The following OR5M9 variants were observed in gnomAD, a reference collection of about 807,000 sequenced individuals.
The protein encoded by OR5M9 is olfactory receptor family 5 subfamily M member 9.
For synonymous variants in OR5M9, 174 were observed against 145.0 expected (o/e 1.20, Z -1.44); for missense variants, 464 against 383.6 (o/e 1.21, Z -1.75).
Position 56,463,080 on chromosome 11 carries a change from C to A in OR5M9, c.322G>T (p.Val108Leu). Reference sequence around the variant, plus strand: ...ATCACAGCCAGGATATAGACCTCCACGTGGACAACGGCAATGAAAAAGTAG... The same window carrying A: ...ATCACAGCCAGGATATAGACCTCCAAGTGGACAACGGCAATGAAAAAGTAG... ...QCYFFIAVVH[V>L]EVYILAVMAF... is the part of the protein sequence containing the mutation. The change falls in exon 1 of 1, where the codon GTG becomes TTG. Residue 108 changes from valine (V) to leucine (L), a missense_variant. Physicochemically the swap from Val to Leu is conservative, Grantham distance 32 (BLOSUM62 1). Coordinates refer to ENST00000279791, the MANE Select transcript of OR5M9 (RefSeq NM_001004743.1). 1 of 1,614,028 alleles carries A rather than the reference C, an allele frequency of 6.2e-7. No homozygotes were observed. Among genetic ancestry groups the A allele is most frequent in the African/African-American group, 1.3e-5 (1 of 75,032 alleles).
Position 56,462,868 on chromosome 11 carries a change from T to C in OR5M9, c.534A>G (p.Ala178=). The C allele has an allele frequency of 1.2e-6, 2 of 1,614,024 alleles. No individual in the cohort carries two copies. Among genetic ancestry groups the C allele is most frequent in the Non-Finnish European group, 1.7e-6 (2 of 1,179,962 alleles). The part of the protein sequence containing the change: ...GNFEINHFYC[A]DPPLIQIACG... ...AGGCAATCTGGATGAGAGGGGGATCTGCACAATAGAAGTGATTGATTTCAA... is the reference window on the plus strand; with the variant it reads ...AGGCAATCTGGATGAGAGGGGGATCCGCACAATAGAAGTGATTGATTTCAA... The change falls in exon 1 of 1, where the codon GCA becomes GCG. Residue 178 remains alanine, a synonymous_variant. Coordinates refer to ENST00000279791, the MANE Select transcript of OR5M9 (RefSeq NM_001004743.1).
Position 56,462,907 on chromosome 11 carries a change from G to A in OR5M9, c.495C>T (p.Tyr165=). The A allele has an allele frequency of 1.9e-6, 3 of 1,614,082 alleles. No individual in the cohort carries two copies. The highest frequency in any genetic ancestry group is 1.1e-5 in the South Asian group (1 of 91,078). Residue 165 remains tyrosine (Y), a synonymous_variant, in exon 1 of 1, where the codon TAC becomes TAT. Coordinates refer to ENST00000279791, the MANE Select transcript of OR5M9 (RefSeq NM_001004743.1). ...LICTLWTYGL[Y]FCGNFEINHF... The stretch of plus-strand genomic sequence containing the variant: ...GATTGATTTCAAAGTTTCCACAGAA[G>A]TATAAGCCATAAGTCCATAGTGTGC...
Position 56,462,612 on chromosome 11 carries a change from C to T in OR5M9, c.790G>A (p.Glu264Lys). The change falls in exon 1 of 1, where the codon GAA becomes AAA. Residue 264 changes from glutamate to lysine, a missense_variant. By Grantham distance (56) the Glu-to-Lys change is moderately conservative. Coordinates refer to ENST00000279791, the MANE Select transcript of OR5M9 (RefSeq NM_001004743.1). ...IFMYLRRPTE[E>K]SVEQGKMVAV... Reference sequence around the variant, plus strand: ...ACCATTTTGCCCTGCTCTACGGATTCCTCAGTGGGTCTCCTGAGATACATG... The same window carrying T: ...ACCATTTTGCCCTGCTCTACGGATTTCTCAGTGGGTCTCCTGAGATACATG... 6.2e-7 allele frequency: 1 copy of T among 1,613,892 alleles called. No homozygotes were observed. The highest frequency in any genetic ancestry group is 8.5e-7 in the Non-Finnish European group (1 of 1,179,920).
rs1853580196 is a variant in OR5M9, at chr11:56,463,221, G to A, written c.181C>T (p.Leu61=). ...PQLQSPMYFF[L]SHLSFADVCF... ...ACGTCCGCAAAAGACAGATGACTCA[G>A]GAAAAAGTACATGGGACTCTGAAGC... is the stretch of plus-strand genomic sequence containing the variant. The change falls in exon 1 of 1, where the codon CTG becomes TTG. Residue 61 remains leucine, a synonymous_variant. Transcript: ENST00000279791. The A allele has an allele frequency of 6.2e-7, 1 of 1,613,942 alleles. No individual in the cohort carries two copies. Among genetic ancestry groups the A allele is most frequent in the East Asian group, 2.2e-5 (1 of 44,834 alleles).
In OR5M9 at chr11:56,463,348, A is replaced by G. The variant is rs1488187428; in HGVS notation, c.54T>C (p.Arg18=). The G allele has an allele frequency of 1.2e-6, 2 of 1,613,566 alleles. No homozygotes were observed. Among genetic ancestry groups the G allele is most frequent in the East Asian group, 2.2e-5 (1 of 44,826 alleles). The change falls in exon 1 of 1, where the codon CGT becomes CGC. Residue 18 remains arginine (R), a synonymous_variant. Transcript: ENST00000279791. The part of the protein sequence containing the change: ...TEFTLLGLTC[R]QELQVLFFVV... ...CAAAAAAGAGAACCTGTAGCTCCTGACGACAGGTCAGCCCCAGGAGAGTAA... is the reference window on the plus strand; with the variant it reads ...CAAAAAAGAGAACCTGTAGCTCCTGGCGACAGGTCAGCCCCAGGAGAGTAA...
In OR5M9 at chr11:56,463,352, C is replaced by T. The variant is rs1565146662; in HGVS notation, c.50G>A (p.Cys17Tyr). The change falls in exon 1 of 1, where the codon TGT (cysteine) becomes TAT (tyrosine). Residue 17 changes from cysteine (C) to tyrosine (Y), a missense_variant. By Grantham distance (194) the Cys-to-Tyr change is radical. Transcript: ENST00000279791. ...AAAGAGAACCTGTAGCTCCTGACGA[C>T]AGGTCAGCCCCAGGAGAGTAAATTC... ...VTEFTLLGLT[C>Y]RQELQVLFFV... 5.0e-6 allele frequency: 8 copies of T among 1,613,326 alleles called. No individual in the cohort carries two copies. The South Asian group carries it at 8.8e-5, about 18-fold the overall frequency.
rs1853573709 is a variant in OR5M9 at position 56,462,954 on chromosome 11, C to T, written c.448G>A (p.Gly150Arg). ...GTGCATATTAGGCTGACAGAGAATC[C>T]ATAGACATAAGGCACAGAGATGAGC... is the stretch of plus-strand genomic sequence containing the variant. ...VRLISVPYVY[G>R]FSVSLICTLW... Residue 150 changes from glycine (G) to arginine (R), a missense_variant, in exon 1 of 1, where the codon GGA becomes AGA. Coordinates refer to ENST00000279791, the MANE Select transcript of OR5M9 (RefSeq NM_001004743.1). The T allele has an allele frequency of 6.2e-7, 1 of 1,613,990 alleles. No individual in the cohort carries two copies.
chr11:56,462,794 A>G lies in OR5M9; in HGVS notation c.608T>C (p.Ile203Thr), dbSNP rs112387382. The G allele has an allele frequency of 6.2e-7, 1 of 1,613,780 alleles. No homozygotes were observed. The highest frequency in any genetic ancestry group is 1.7e-5 in the Admixed American group (1 of 59,954). The change falls in exon 1 of 1, where the codon ATT (isoleucine) becomes ACT (threonine). Residue 203 changes from isoleucine (I) to threonine (T), a missense_variant. By Grantham distance (89) the Ile-to-Thr change is moderately conservative. Coordinates refer to ENST00000279791, the MANE Select transcript of OR5M9 (RefSeq NM_001004743.1). Reference protein sequence around the residue: ...KEITMIVIAGINFTYSLSVVL... With the variant: ...KEITMIVIAGTNFTYSLSVVL... ...CACCGAGAGGGAATATGTGAAGTTA[A>G]TTCCAGCAATAACAATCATTGTGAT...
At position 56,463,047 on chromosome 11, in the gene OR5M9, C is replaced by G. The variant is rs370012448; in HGVS notation, c.355G>C (p.Asp119His). The G allele has an allele frequency of 1.9e-6, 3 of 1,614,032 alleles. No homozygotes were observed. Among genetic ancestry groups the G allele is most frequent in the African/African-American group, 2.7e-5 (2 of 75,038 alleles). ...EVYILAVMAF[D>H]RYMAGCNPLL... is the part of the protein sequence containing the mutation. The stretch of plus-strand genomic sequence containing the variant: ...GGGTTGCAGCCGGCCATGTACCTGT[C>G]AAAGGCCATCACAGCCAGGATATAG... The change falls in exon 1 of 1, where the codon GAC (aspartate) becomes CAC (histidine). Residue 119 changes from aspartate (D) to histidine (H), a missense_variant. Asp to His is a moderately conservative substitution (Grantham distance 81). Coordinates refer to ENST00000279791, the MANE Select transcript of OR5M9 (RefSeq NM_001004743.1).
Position 56,463,032 on chromosome 11 carries a change from C to T in OR5M9, c.370G>A (p.Gly124Ser), listed in dbSNP as rs373843688. The stretch of plus-strand genomic sequence containing the variant: ...CTGCCATAAAGCAGAGGGTTGCAGC[C>T]GGCCATGTACCTGTCAAAGGCCATC... ...AVMAFDRYMA[G>S]CNPLLYGSKM... Residue 124 changes from glycine (G) to serine (S), a missense_variant, in exon 1 of 1, where the codon GGC (glycine) becomes AGC (serine). By Grantham distance (56) the Gly-to-Ser change is moderately conservative. Coordinates refer to ENST00000279791, the MANE Select transcript of OR5M9 (RefSeq NM_001004743.1). The T allele has an allele frequency of 1.9e-6, 3 of 1,613,908 alleles. No homozygotes were observed. The highest frequency in any genetic ancestry group is 1.3e-5 in the African/African-American group (1 of 74,900).
rs779113450 is a variant in OR5M9, at chr11:56,463,084, G to C, written c.318C>G (p.Val106=). Reference sequence around the variant, plus strand: ...CAGCCAGGATATAGACCTCCACGTGGACAACGGCAATGAAAAAGTAGCACT... The same window carrying C: ...CAGCCAGGATATAGACCTCCACGTGCACAACGGCAATGAAAAAGTAGCACT... ...LVQCYFFIAV[V]HVEVYILAVM... The change falls in exon 1 of 1, where the codon GTC becomes GTG. Residue 106 remains valine (V), a synonymous_variant. Coordinates refer to ENST00000279791, the MANE Select transcript of OR5M9 (RefSeq NM_001004743.1). 175 of 1,613,898 alleles carry C rather than the reference G, an allele frequency of 1.1e-4. No homozygotes were observed. The highest frequency in any genetic ancestry group is 1.3e-4 in the Non-Finnish European group (149 of 1,179,976).
rs112387382 is a variant in OR5M9 at position 56,462,794 on chromosome 11, A to C, written c.608T>G (p.Ile203Ser). 3.7e-6 allele frequency: 6 copies of C among 1,613,780 alleles called. 1 individual carries two copies. The African/African-American group carries it at 6.7e-5, about 18-fold the overall frequency. Residue 203 changes from isoleucine to serine, a missense_variant, in exon 1 of 1, where the codon ATT becomes AGT. By Grantham distance (142) the Ile-to-Ser change is moderately radical. Transcript: ENST00000279791. Reference sequence around the variant, plus strand: ...CACCGAGAGGGAATATGTGAAGTTAATTCCAGCAATAACAATCATTGTGAT... The same window carrying C: ...CACCGAGAGGGAATATGTGAAGTTACTTCCAGCAATAACAATCATTGTGAT... Reference protein sequence around the residue: ...KEITMIVIAGINFTYSLSVVL... With the variant: ...KEITMIVIAGSNFTYSLSVVL...
At position 56,462,673 on chromosome 11, in the gene OR5M9, C is replaced by G; in HGVS notation, c.729G>C (p.Leu243Phe). 7 of 1,613,536 alleles carry G rather than the reference C, an allele frequency of 4.3e-6. No individual in the cohort carries two copies. The highest frequency in any genetic ancestry group is 5.9e-6 in the Non-Finnish European group (7 of 1,179,794). ...RKAFSTCGSH[L>F]TAVSMFYGTP... ...TCCCATAAAACATAGAAACAGCCGTCAAGTGGGACCCACAGGTGGAGAACG... is the reference window on the plus strand; with the variant it reads ...TCCCATAAAACATAGAAACAGCCGTGAAGTGGGACCCACAGGTGGAGAACG... The change falls in exon 1 of 1, where the codon TTG becomes TTC. Residue 243 changes from leucine (L) to phenylalanine (F), a missense_variant. By Grantham distance (22) the Leu-to-Phe change is conservative. Transcript: ENST00000279791.
chr11:56,462,798 C>CAGCAAT lies in OR5M9; in HGVS notation c.598_603dup (p.Ile200_Ala201dup). 1 of 1,613,584 alleles carries CAGCAAT rather than the reference C, an allele frequency of 6.2e-7. No individual in the cohort carries two copies. Among genetic ancestry groups the CAGCAAT allele is most frequent in the Non-Finnish European group, 8.5e-7 (1 of 1,179,830 alleles). ...GAGAGGGAATATGTGAAGTTAATTCCAGCAATAACAATCATTGTGATTTCT... is the reference window on the plus strand; with the variant it reads ...GAGAGGGAATATGTGAAGTTAATTCCAGCAATAGCAATAACAATCATTGTGATTTCT... On this transcript the variant is annotated inframe_insertion, in exon 1 of 1. Transcript: ENST00000279791.
Position 56,463,281 on chromosome 11 carries a change from T to C in OR5M9, c.121A>G (p.Ile41Val). The C allele has an allele frequency of 2.5e-6, 4 of 1,613,740 alleles. No homozygotes were observed. In the East Asian group the frequency reaches 6.7e-5, roughly 27 times the overall value. Residue 41 changes from isoleucine to valine, a missense_variant, in exon 1 of 1, where the codon ATT becomes GTT. Ile to Val is a conservative substitution (Grantham distance 29). Transcript: ENST00000279791. Reference protein sequence around the residue: ...AVYMITLLGNIGMIILISISP... With the variant: ...AVYMITLLGNVGMIILISISP... ...ATGCTAATCAAAATGATCATACCAATATTTCCCAACAGAGTGATCATGTAA... is the reference window on the plus strand; with the variant it reads ...ATGCTAATCAAAATGATCATACCAACATTTCCCAACAGAGTGATCATGTAA...
Position 56,462,498 on chromosome 11 carries a change from C to T in OR5M9, c.904G>A (p.Ala302Thr), listed in dbSNP as rs201424323. The T allele has an allele frequency of 3.3e-5, 54 of 1,612,628 alleles. No homozygotes were observed. The highest frequency in any genetic ancestry group is 4.3e-5 in the Non-Finnish European group (51 of 1,178,916). Residue 302 changes from alanine (A) to threonine (T), a missense_variant, in exon 1 of 1, where the codon GCA becomes ACA. Physicochemically the swap from Ala to Thr is moderately conservative, Grantham distance 58 (BLOSUM62 0). Transcript: ENST00000279791. ...NKDVKEAVNK[A>T]ITKTYVRQ ...TGCCTCACATATGTCTTGGTGATTGCTTTGTTGACTGCTTCTTTTACATCC... is the reference window on the plus strand; with the variant it reads ...TGCCTCACATATGTCTTGGTGATTGTTTTGTTGACTGCTTCTTTTACATCC...
rs199694619 is a variant in OR5M9, at chr11:56,462,729, G to A, written c.673C>T (p.Arg225Cys). 2.1e-5 allele frequency: 34 copies of A among 1,613,054 alleles called. No individual in the cohort carries two copies. The highest frequency in any genetic ancestry group is 4.5e-5 in the East Asian group (2 of 44,684). ...CTCCTGCCATCGGCAGAGCGCATGCGTAGCACAGCTACTACAATGAGAGTG... is the reference window on the plus strand; with the variant it reads ...CTCCTGCCATCGGCAGAGCGCATGCATAGCACAGCTACTACAATGAGAGTG... ...SYTLIVVAVL[R>C]MRSADGRRKA... is the part of the protein sequence containing the mutation. Residue 225 changes from arginine (R) to cysteine (C), a missense_variant, in exon 1 of 1, where the codon CGC becomes TGC. Coordinates refer to ENST00000279791, the MANE Select transcript of OR5M9 (RefSeq NM_001004743.1).
In OR5M9 at chr11:56,463,368, G is replaced by A. The variant is rs1304308255; in HGVS notation, c.34C>T (p.Leu12Phe). 2 of 1,610,834 alleles carry A rather than the reference G, an allele frequency of 1.2e-6. No homozygotes were observed. Among genetic ancestry groups the A allele is most frequent in the Non-Finnish European group, 1.7e-6 (2 of 1,178,920 alleles). ...TCCTGACGACAGGTCAGCCCCAGGAGAGTAAATTCTGTCACATCCGTGAAA... is the reference window on the plus strand; with the variant it reads ...TCCTGACGACAGGTCAGCCCCAGGAAAGTAAATTCTGTCACATCCGTGAAA... ...PNFTDVTEFTLLGLTCRQELQ... is the reference protein window; with the variant it reads ...PNFTDVTEFTFLGLTCRQELQ... The change falls in exon 1 of 1, where the codon CTC becomes TTC. Residue 12 changes from leucine (L) to phenylalanine (F), a missense_variant. Leu to Phe is a conservative substitution (Grantham distance 22). Coordinates refer to ENST00000279791, the MANE Select transcript of OR5M9 (RefSeq NM_001004743.1).
chr11:56,462,866 T>C lies in OR5M9; in HGVS notation c.536A>G (p.Asp179Gly). 2 of 1,613,954 alleles carry C rather than the reference T, an allele frequency of 1.2e-6. No individual in the cohort carries two copies. The highest frequency in any genetic ancestry group is 1.7e-6 in the Non-Finnish European group (2 of 1,179,964). The change falls in exon 1 of 1, where the codon GAT (aspartate) becomes GGT (glycine). Residue 179 changes from aspartate to glycine, a missense_variant. Asp to Gly is a moderately conservative substitution (Grantham distance 94). Coordinates refer to ENST00000279791, the MANE Select transcript of OR5M9 (RefSeq NM_001004743.1). Reference protein sequence around the residue: ...NFEINHFYCADPPLIQIACGR... With the variant: ...NFEINHFYCAGPPLIQIACGR... ...ACAGGCAATCTGGATGAGAGGGGGA[T>C]CTGCACAATAGAAGTGATTGATTTC...
Sources: allele counts gnomAD v4.1 joint callset, GRCh38; gene constraint gnomAD v4.1.1; transcripts MANE v1.5; gene names NCBI Gene and HGNC (gene_info 2026-07-23, HGNC 2026-07-21).